Variants in NEDD1 observed in about 807,000 individuals in gnomAD.
NEDD1 encodes the protein protein NEDD1.
A neutral mutation model predicts 74.0 loss-of-function variants in NEDD1; 33 were observed. That is an observed-to-expected ratio of 0.45 (90% CI 0.34 to 0.60). The LOEUF (loss-of-function observed/expected upper bound fraction) is 0.60, where lower values mean the gene tolerates loss of function less well. Among genes scored for constraint, NEDD1 ranks in the 20% least tolerant of loss-of-function variants. NEDD1 has a pLI of 0.01. For synonymous variants in NEDD1, 250 were observed against 264.4 expected, an observed-to-expected ratio of 0.95 and a Z score of 0.53; for missense variants, 746 against 776.5, an observed-to-expected ratio of 0.96 and a Z score of 0.47.
chr12:96,932,017 C>T (rs992789053), intron 6 of NEDD1, among the ~76,000 whole-genome samples: 3 of 152,080 alleles, frequency 2.0e-5, no homozygotes, highest in Non-Finnish European at 2.9e-5. Flanking sequence ...TGCTTTTCAT[C>T]TATATATTGT....
At chr12:96,924,605 C>A (rs1875489024) in intron 6 of NEDD1, among the ~76,000 whole-genome samples, 1 of 151,924 alleles carries the variant, frequency 6.6e-6, no homozygotes, top group African/African-American at 2.4e-5. Flanking sequence ...TTTTCCTATT[C>A]TTTGTGGCTT....
chr12:96,928,681 C>CTTTTT (rs34575410), intron 6 of NEDD1, among the ~76,000 whole-genome samples: 12 of 87,644 alleles, frequency 1.4e-4, no homozygotes, highest in Admixed American at 5.4e-4. Flanking sequence ...TAGTGTGTTT[C>CTTTTT]TTTTTTTTTT....
chr12:96,917,651 A>T lies in NEDD1; in HGVS notation c.262A>T (p.Thr88Ser), dbSNP rs775674416. The change falls in exon 5 of 16, where the codon ACA becomes TCA. Residue 88 changes from threonine to serine, a missense_variant. Coordinates refer to ENST00000266742, the MANE Select transcript of NEDD1 (RefSeq NM_152905.4). The part of the protein sequence containing the change: ...QKQTCVNLNS[T>S]SMYLVSGGLN... ...GCAGACATGTGTCAATTTAAATTCTACATCTATGTATTTGGTAAGCGGAGG... is the reference window on the plus strand; with the variant it reads ...GCAGACATGTGTCAATTTAAATTCTTCATCTATGTATTTGGTAAGCGGAGG... The T allele has an allele frequency of 1.6e-5, 24 of 1,539,124 alleles. No individual in the cohort carries two copies. In the African/African-American group the frequency reaches 3.0e-4, roughly 19 times the overall value.
intron 4 of NEDD1, among the ~76,000 whole-genome samples, chr12:96,916,097 G>A (rs1874408608): frequency 6.6e-6 from 1 of 152,026 alleles, no homozygotes. Context: ...AGGAATGGAA[G>A]GTCAGTATGG....
At chr12:96,925,084 A>C (rs969135049) in intron 6 of NEDD1, 4 of 240,334 alleles carry the variant, frequency 1.7e-5, no homozygotes, top group Non-Finnish European at 3.3e-5. Flanking sequence ...ATAAGCAATA[A>C]GTATACAGTT....
intron 6 of NEDD1, among the ~76,000 whole-genome samples, chr12:96,932,067 C>G (rs936394043): frequency 1.3e-5 from 2 of 151,966 alleles, no homozygotes; most frequent in African/African-American, 4.8e-5. Flanking sequence ...ACCTTCCCCC[C>G]ACCTTTAGTG....
intron 2 of NEDD1, 60 bp downstream of exon 2, chr12:96,907,916 A>G (rs1200169115): frequency 3.9e-6 from 5 of 1,276,804 alleles, no homozygotes; most frequent in Non-Finnish European, 5.0e-6. Flanking sequence ...CAAACATTAA[A>G]TCACCCGGCG....
intron 3 of NEDD1, among the ~76,000 whole-genome samples, chr12:96,910,986 CAAG>C (rs1339985683): frequency 6.6e-6 from 1 of 152,094 alleles, no homozygotes; most frequent in Non-Finnish European, 1.5e-5. Flanking sequence ...ATGTATATAA[CAAG>C]AAGGACAAAT....
chr12:96,907,376 C>A (rs925151049), intron 1 of NEDD1, 76 bp downstream of exon 1: 14 of 457,692 alleles, frequency 3.1e-5, no homozygotes, highest in Non-Finnish European at 5.0e-5. Context: ...CTAAGACCCG[C>A]TCCGTCCCCC....
intron 14 of NEDD1, among the ~76,000 whole-genome samples, chr12:96,950,631 A>G (rs961066820): frequency 1.5e-4 from 23 of 152,006 alleles, no homozygotes; most frequent in Non-Finnish European, 2.9e-4. Context: ...AACATGCACA[A>G]TGAAAACATT....
In NEDD1 at chr12:96,929,294, C is replaced by G. The variant is rs182193565; in HGVS notation, c.490-5682C>G. On this transcript the variant is annotated intron_variant, in intron 6 of 15. Coordinates refer to ENST00000266742, the MANE Select transcript of NEDD1 (RefSeq NM_152905.4). Reference sequence around the variant, plus strand: ...AGATTTAAAAAATTTCTAATTCTTTCCCAAGTTCTGACATCTCTTTTCTGA... The same window carrying G: ...AGATTTAAAAAATTTCTAATTCTTTGCCAAGTTCTGACATCTCTTTTCTGA... 6.2e-4 allele frequency among the ~76,000 whole-genome samples: 93 copies of G among 149,504 alleles called. 1 individual carries two copies. Among genetic ancestry groups the G allele is most frequent in the African/African-American group, 2.2e-3 (88 of 40,854 alleles).
At chr12:96,943,489 T>C (rs1877871004) in intron 11 of NEDD1, 71 bp from the exon 12 acceptor site, 8 of 975,486 alleles carry the variant, frequency 8.2e-6, no homozygotes, top group South Asian at 1.5e-5. Context: ...CTGCCTATCA[T>C]GTTAAATGCT....
rs1288116630 is a variant in NEDD1 at position 96,926,989 on chromosome 12, TGTGTG to T, written c.489+6865_489+6869del. ...GTGACAGAGCGAAAAAAAAAAAAAT[TGTGTG>T]TGTGTGTGTGTGTGTATAATATATA... On this transcript the variant is annotated intron_variant, in intron 6 of 15. Coordinates refer to ENST00000266742, the MANE Select transcript of NEDD1 (RefSeq NM_152905.4). 1.2e-3 allele frequency among the ~76,000 whole-genome samples: 6 copies of T among 5,070 alleles called. No individual in the cohort carries two copies. In the East Asian group the frequency reaches 0.077, roughly 65 times the overall value. 3.3% of individuals were successfully genotyped at this position (5,070 alleles called of 152,430 possible).
At chr12:96,934,523 T>A (rs1465033954) in intron 6 of NEDD1, among the ~76,000 whole-genome samples, 1 of 150,222 alleles carries the variant, frequency 6.7e-6, no homozygotes, top group Non-Finnish European at 1.5e-5. Context: ...TAAGACAGAG[T>A]TGGGTTTTTT....
At chr12:96,942,910 G>T (rs1877806827) in intron 11 of NEDD1, among the ~76,000 whole-genome samples, 1 of 151,844 alleles carries the variant, frequency 6.6e-6, no homozygotes, top group South Asian at 2.1e-4. Context: ...GGAGATATCA[G>T]TTCCATGCCA....
At chr12:96,929,556 T>TACACACACACAC (rs71078436) in intron 6 of NEDD1, among the ~76,000 whole-genome samples, 7 of 127,814 alleles carry the variant, frequency 5.5e-5, no homozygotes, top group South Asian at 2.5e-4. Context: ...TTTTCATGTA[T>TACACACACACAC]ACACACACAC....
intron 5 of NEDD1, among the ~76,000 whole-genome samples, chr12:96,918,331 CT>C (rs1226404895): frequency 6.6e-6 from 1 of 151,846 alleles, no homozygotes; most frequent in South Asian, 2.1e-4. Flanking sequence ...TGGAATTCTA[CT>C]TTTCATTATA....
chr12:96,918,821 T>C (rs1691975953), intron 5 of NEDD1, among the ~76,000 whole-genome samples: 1 of 152,208 alleles, frequency 6.6e-6, no homozygotes, highest in South Asian at 2.1e-4. Context: ...CCCATGTTCT[T>C]AATTTCCCAA....
At chr12:96,911,724 A>G (rs951239726) in intron 3 of NEDD1, among the ~76,000 whole-genome samples, 3 of 152,190 alleles carry the variant, frequency 2.0e-5, no homozygotes. Context: ...GTAAACAGGA[A>G]GAAGTCAAGG....
Sources: gnomAD v4.1 joint callset for allele counts (sites outside exome capture counted in the v4.1 genomes callset) on GRCh38, gnomAD v4.1.1 for gene constraint, MANE v1.5 for transcripts, NCBI Gene and HGNC (gene_info 2026-07-23, HGNC 2026-07-21) for gene names.